CGAS: variants seen among roughly 807,000 people sequenced by gnomAD.
The protein encoded by CGAS is cyclic GMP-AMP synthase.
In CGAS, 31 loss-of-function variants were observed where a neutral mutation model predicts 34.0. That is an observed-to-expected ratio of 0.91 (90% CI 0.69 to 1.23). CGAS has a LOEUF of 1.23. Among genes scored for constraint, CGAS ranks in the 50% most tolerant of loss-of-function variants. The pLI is 0.00. For missense variants in CGAS, 597 were observed against 657.6 expected (o/e 0.91, Z 1.01); for synonymous variants, 266 against 260.0 (o/e 1.02, Z -0.22).
chr6:73,429,699 G>A (rs1429707081), intron 3 of CGAS, among the ~76,000 whole-genome samples: 10 of 151,936 alleles, frequency 6.6e-5, no homozygotes, highest in Non-Finnish European at 1.2e-4. Flanking sequence ...GGTGGCGGGC[G>A]CCTGTAATCC....
At chr6:73,440,542 G>T in intron 2 of CGAS, 97 bp from the exon 3 acceptor site, 1 of 1,085,812 alleles carries the variant, frequency 9.2e-7, no homozygotes, top group Non-Finnish European at 1.3e-6. Context: ...GATCTCTGGT[G>T]TGCTAAGTAT....
intron 4 of CGAS, 22 bp downstream of exon 4, chr6:73,428,687 T>C: frequency 6.3e-7 from 1 of 1,596,856 alleles, no homozygotes; most frequent in South Asian, 1.1e-5. Context: ...TAATCTGTCA[T>C]TTAACAAAAT....
At chr6:73,425,827 A>G (rs1770076749) in intron 4 of CGAS, among the ~76,000 whole-genome samples, 1 of 151,892 alleles carries the variant, frequency 6.6e-6, no homozygotes, top group Admixed American at 6.6e-5. Context: ...ATACAAAATT[A>G]GCTGGGCGTG....
chr6:73,428,526 C>G (rs939739983), intron 4 of CGAS, among the ~76,000 whole-genome samples, 183 bp downstream of exon 4: 1 of 152,072 alleles, frequency 6.6e-6, no homozygotes, highest in Non-Finnish European at 1.5e-5. Context: ...CTAACAACAC[C>G]CTTTCCTTGG....
At chr6:73,440,054 TTCTG>T (rs1224114912) in intron 3 of CGAS, 151 bp downstream of exon 3, 10 of 636,654 alleles carry the variant, frequency 1.6e-5, no homozygotes, top group Middle Eastern at 4.3e-4. Context: ...CCCTTTTCAA[TTCTG>T]TCTGTCACCA....
At chr6:73,426,836 ATTTCT>A (rs1770097293) in intron 4 of CGAS, among the ~76,000 whole-genome samples, 1 of 149,946 alleles carries the variant, frequency 6.7e-6, no homozygotes, top group Non-Finnish European at 1.5e-5. Flanking sequence ...TATCAACAAT[ATTTCT>A]TTTTTTTTTT....
intron 1 of CGAS, among the ~76,000 whole-genome samples, chr6:73,446,536 T>C (rs62440621): frequency 1.1e-4 from 3 of 27,498 alleles, no homozygotes; most frequent in African/African-American, 4.9e-4. Flanking sequence ...CCATCCTGGC[T>C]AACAAGGTGA....
chr6:73,444,452 A>G (rs1770435811), intron 2 of CGAS, among the ~76,000 whole-genome samples: 1 of 151,346 alleles, frequency 6.6e-6, no homozygotes, highest in Non-Finnish European at 1.5e-5. Flanking sequence ...GGGATTACAG[A>G]CATGTGCCAC....
chr6:73,451,964 G>C lies in CGAS; in HGVS notation c.218C>G (p.Pro73Arg), dbSNP rs1467874488. 8.1e-6 allele frequency: 12 copies of C among 1,485,870 alleles called. No homozygotes were observed. In the South Asian group the frequency reaches 1.1e-4, roughly 13 times the overall value. The allele number at this position is 1,485,870 out of a possible 1,614,324, so 92.0% of individuals were successfully genotyped here. Reference protein sequence around the residue: ...KSAPDTQERPPVRATGARAKK... With the variant: ...KSAPDTQERPRVRATGARAKK... Reference sequence around the variant, plus strand: ...GGCGCGGGCCCCAGTTGCGCGGACGGGCGGCCTCTCCTGGGTGTCCGGGGC... The same window carrying C: ...GGCGCGGGCCCCAGTTGCGCGGACGCGCGGCCTCTCCTGGGTGTCCGGGGC... The change falls in exon 1 of 5, where the codon CCC becomes CGC. Residue 73 changes from proline to arginine, a missense_variant. Transcript: ENST00000370315.
In CGAS at chr6:73,428,716, A is replaced by T. The variant is rs1430850836; in HGVS notation, c.1210T>A (p.Cys404Ser). The change falls in exon 4 of 5, where the codon TGT becomes AGT. Residue 404 changes from cysteine (C) to serine (S), a missense_variant. By Grantham distance (112) the Cys-to-Ser change is moderately radical. Transcript: ENST00000370315. ...KTCCENKEEK[C>S]CRKDCLKLMK... ...ACAAAATAAGGCTGTTACCTGCAAC[A>T]TTTCTCTTCTTTGTTTTCACAGCAC... The T allele has an allele frequency of 6.2e-7, 1 of 1,609,520 alleles. No individual in the cohort carries two copies. The highest frequency in any genetic ancestry group is 8.5e-7 in the Non-Finnish European group (1 of 1,178,926).
At chr6:73,450,369 C>T (rs1240704480) in intron 1 of CGAS, among the ~76,000 whole-genome samples, 3 of 149,180 alleles carry the variant, frequency 2.0e-5, no homozygotes, top group African/African-American at 7.4e-5. Flanking sequence ...GAGCTGAGAT[C>T]GCGCCATTGC....
chr6:73,449,599 A>G (rs1241652709), intron 1 of CGAS, among the ~76,000 whole-genome samples: 2 of 152,186 alleles, frequency 1.3e-5, no homozygotes, highest in African/African-American at 4.8e-5. Flanking sequence ...CGCCATATAC[A>G]GTAATTGAAC....
intron 3 of CGAS, among the ~76,000 whole-genome samples, chr6:73,433,913 A>G (rs1040672751): frequency 6.6e-6 from 1 of 152,322 alleles, no homozygotes; most frequent in Admixed American, 6.5e-5. Context: ...AAATTTATCT[A>G]TAGATTCAAC....
At chr6:73,445,896 G>A (rs754271965) in intron 1 of CGAS, 149 bp from the exon 2 acceptor site, 17 of 583,192 alleles carry the variant, frequency 2.9e-5, no homozygotes, top group Non-Finnish European at 5.0e-5. Flanking sequence ...GGGACTAGTG[G>A]AGCTGGCAGG....
At chr6:73,436,824 G>A (rs1222434858) in intron 3 of CGAS, among the ~76,000 whole-genome samples, 1 of 152,024 alleles carries the variant, frequency 6.6e-6, no homozygotes, top group Non-Finnish European at 1.5e-5. Flanking sequence ...ATGAATGAGA[G>A]AGAGAGAGAG....
intron 2 of CGAS, among the ~76,000 whole-genome samples, chr6:73,444,912 G>A (rs183541652): frequency 1.3e-5 from 2 of 152,268 alleles, no homozygotes; most frequent in African/African-American, 4.8e-5. Flanking sequence ...GTTTCTGGAT[G>A]GTGCGTCTGG....
chr6:73,429,670 C>T (rs1770155573), intron 3 of CGAS, among the ~76,000 whole-genome samples: 1 of 143,910 alleles, frequency 6.9e-6, no homozygotes, highest in South Asian at 2.2e-4. Context: ...ACCAAAAATA[C>T]AAAAAATTAG....
At chr6:73,440,930 AAC>A (rs563049771) in intron 2 of CGAS, among the ~76,000 whole-genome samples, 365 of 151,922 alleles carry the variant, frequency 2.4e-3, no homozygotes, top group Middle Eastern at 0.014. Flanking sequence ...AAAAACAAAA[AAC>A]ACAATAATTA....
At chr6:73,449,513 T>C (rs909729876) in intron 1 of CGAS, among the ~76,000 whole-genome samples, 2 of 53,596 alleles carry the variant, frequency 3.7e-5, no homozygotes, top group Non-Finnish European at 9.3e-5. Flanking sequence ...ACACACAAAG[T>C]GGTTCTGAAT....
Sources: allele counts gnomAD v4.1 joint callset (sites outside exome capture counted in the v4.1 genomes callset), GRCh38; gene constraint gnomAD v4.1.1; transcripts MANE v1.5; gene names NCBI Gene and HGNC (gene_info 2026-07-23, HGNC 2026-07-21).